WDR25: variants seen among roughly 807,000 people sequenced by gnomAD.
The protein encoded by WDR25 is WD repeat domain 25.
Under a neutral mutation model 47.7 loss-of-function variants are expected in WDR25, and 35 were observed. The observed-to-expected ratio is 0.73, with a 90% CI of 0.56 to 0.97. The LOEUF (loss-of-function observed/expected upper bound fraction) is 0.97. WDR25 is among the 50% of genes least tolerant of loss of function. The pLI is 0.00. For synonymous variants in WDR25, 248 were observed against 278.9 expected, an observed-to-expected ratio of 0.89 and a Z score of 1.10; for missense variants, 634 against 704.7, an observed-to-expected ratio of 0.90 and a Z score of 1.14.
chr14:100,389,023 A>G (rs1897080413), intron 2 of WDR25, among the ~76,000 whole-genome samples: 1 of 152,236 alleles, frequency 6.6e-6, no homozygotes, highest in African/African-American at 2.4e-5. Context: ...GAGACAGTCT[A>G]GTAAATTATT....
chr14:100,384,662 C>G (rs1896979822), intron 2 of WDR25, among the ~76,000 whole-genome samples: 1 of 152,146 alleles, frequency 6.6e-6, no homozygotes, highest in Non-Finnish European at 1.5e-5. Flanking sequence ...GGCAGGAGTC[C>G]TGGCTGGCTG....
chr14:100,472,756 C>T (rs1428632396), intron 3 of WDR25, among the ~76,000 whole-genome samples: 1 of 152,244 alleles, frequency 6.6e-6, no homozygotes, highest in Non-Finnish European at 1.5e-5. Flanking sequence ...TCCACATTCC[C>T]CTTCCTCCTG....
intron 2 of WDR25, among the ~76,000 whole-genome samples, chr14:100,385,897 C>A (rs1897008666): frequency 6.6e-6 from 1 of 152,148 alleles, no homozygotes; most frequent in Non-Finnish European, 1.5e-5. Flanking sequence ...ACCAAAAACA[C>A]AACCAGCCGT....
chr14:100,508,381 T>TCTCA (rs886921024), intron 4 of WDR25, among the ~76,000 whole-genome samples: 1 of 152,128 alleles, frequency 6.6e-6, no homozygotes, highest in African/African-American at 2.4e-5. Flanking sequence ...GGGTGCCTAC[T>TCTCA]CTCACCATTC....
At position 100,381,593 on chromosome 14, in the gene WDR25, A is replaced by G. The variant is rs3742387; in HGVS notation, c.669A>G (p.Pro223=). 0.74 allele frequency: 1,193,020 copies of G among 1,613,916 alleles called. 448,229 individuals are homozygous for G. The highest frequency in any genetic ancestry group is 0.87 in the South Asian group (79,274 of 91,072). ...CGGGAGTGTCTGAGTTTATTCAGCC[A>G]TATTTGAATAGCCATTATAAAGAAA... ...VGPGVSEFIQ[P]YLNSHYKETT... is the part of the protein sequence containing the mutation. The change falls in exon 2 of 7, where the codon CCA becomes CCG. Residue 223 remains proline, a synonymous_variant. Transcript: ENST00000402312.
At chr14:100,508,630 C>T (rs1327241351) in intron 4 of WDR25, among the ~76,000 whole-genome samples, 1 of 152,150 alleles carries the variant, frequency 6.6e-6, no homozygotes, top group Admixed American at 6.5e-5. Flanking sequence ...ATGACTAGAA[C>T]TTTCGGTACA....
intron 2 of WDR25, among the ~76,000 whole-genome samples, chr14:100,409,684 C>A (rs1897650627): frequency 2.0e-5 from 3 of 152,156 alleles, no homozygotes. Context: ...GAACAGGGAT[C>A]CCTTTAAATT....
In WDR25 at chr14:100,498,064, T is replaced by C. The variant is rs1165531655; in HGVS notation, c.1101+13940T>C. Among the ~76,000 whole-genome samples the C allele has an allele frequency of 2.6e-5, 4 of 152,234 alleles. No homozygotes were observed. Among genetic ancestry groups the C allele is most frequent in the Non-Finnish European group, 4.4e-5 (3 of 68,038 alleles). ...TAACTCTGCAAAGATTGTATGACTT[T>C]AGGAAAGTTTGTGCAATTCAATTTG... is the stretch of plus-strand genomic sequence containing the variant. On this transcript the variant is annotated intron_variant, in intron 4 of 6. Coordinates refer to ENST00000402312, the MANE Select transcript of WDR25 (RefSeq NM_001161476.3). This position sits in a 1 kb window ranked among gnomAD's most constrained non-coding sequence, Gnocchi z 4.2.
At chr14:100,472,645 C>T (rs1395470170) in intron 3 of WDR25, among the ~76,000 whole-genome samples, 2 of 152,246 alleles carry the variant, frequency 1.3e-5, no homozygotes, top group East Asian at 1.9e-4. Context: ...CCCTGCTGGT[C>T]CCCTCAGTGA....
rs1018853830 is a variant in WDR25, at chr14:100,500,217, A to G, written c.1101+16093A>G. Among the ~76,000 whole-genome samples the G allele has an allele frequency of 1.2e-4, 18 of 151,656 alleles. No homozygotes were observed. Among genetic ancestry groups the G allele is most frequent in the Non-Finnish European group, 4.4e-5 (3 of 67,932 alleles). On this transcript the variant is annotated intron_variant, in intron 4 of 6. Coordinates refer to ENST00000402312, the MANE Select transcript of WDR25 (RefSeq NM_001161476.3). This position sits in a 1 kb window ranked among gnomAD's most constrained non-coding sequence, Gnocchi z 4.7. ...TGTGTGCCCCTGGTGTGGACACTGG[A>G]GGGGCCCGAGAGTGGGGTGGCTTGC...
intron 3 of WDR25, among the ~76,000 whole-genome samples, chr14:100,472,509 G>A (rs1489998958): frequency 6.6e-6 from 1 of 152,252 alleles, no homozygotes; most frequent in African/African-American, 2.4e-5. Flanking sequence ...TAGGTCCTCA[G>A]CAAGGAACTC....
chr14:100,406,400 A>G (rs967869164), intron 2 of WDR25, among the ~76,000 whole-genome samples: 8 of 152,246 alleles, frequency 5.3e-5, no homozygotes, highest in African/African-American at 9.6e-5. Flanking sequence ...CTTCACACGG[A>G]CAGCCTCAGT....
Position 100,409,517 on chromosome 14 carries a change from A to G in WDR25, c.822+27771A>G, listed in dbSNP as rs142068945. Among the ~76,000 whole-genome samples, 128 of 147,724 alleles carry G rather than the reference A, an allele frequency of 8.7e-4. No individual in the cohort carries two copies. In the Middle Eastern group the frequency reaches 0.01, roughly 12 times the overall value. The stretch of plus-strand genomic sequence containing the variant: ...AGAGCACCTGGCACTTGAAAAGATG[A>G]AAAGTAAGAGCCCCATCATTGCTGT... On this transcript the variant is annotated intron_variant, in intron 2 of 6. Transcript: ENST00000402312.
At chr14:100,504,051 T>C (rs367936764) in intron 4 of WDR25, among the ~76,000 whole-genome samples, 7 of 152,258 alleles carry the variant, frequency 4.6e-5, no homozygotes, top group African/African-American at 1.2e-4. Flanking sequence ...ATTTTATCCA[T>C]AATCCTACCC....
intron 2 of WDR25, among the ~76,000 whole-genome samples, chr14:100,453,160 G>A (rs1474962242): frequency 6.6e-6 from 1 of 152,194 alleles, no homozygotes. Context: ...CCTAAAGGCT[G>A]GCAGTAGGAA....
intron 2 of WDR25, among the ~76,000 whole-genome samples, chr14:100,386,992 C>T: frequency 6.6e-6 from 1 of 151,998 alleles, no homozygotes; most frequent in East Asian, 1.9e-4. Context: ...GGCAAACCTT[C>T]AGTACCACTG....
At chr14:100,475,301 C>T (rs993973902) in intron 3 of WDR25, among the ~76,000 whole-genome samples, 1 of 152,178 alleles carries the variant, frequency 6.6e-6, no homozygotes, top group Non-Finnish European at 1.5e-5. Flanking sequence ...GAATTGAAAT[C>T]GGTGTGTGGA....
Position 100,424,431 on chromosome 14 carries a change from C to G in WDR25, c.822+42685C>G, listed in dbSNP as rs368697748. On this transcript the variant is annotated intron_variant, in intron 2 of 6. Coordinates refer to ENST00000402312, the MANE Select transcript of WDR25 (RefSeq NM_001161476.3). This position sits in a 1 kb window ranked among gnomAD's most constrained non-coding sequence, Gnocchi z 4.2. ...GTTTGCATGTTAAGAGTTAGCAGGA[C>G]AATCCTTTGCTACTGGGGACCCGCC... Among the ~76,000 whole-genome samples, 4 of 152,216 alleles carry G rather than the reference C, an allele frequency of 2.6e-5. No homozygotes were observed. Among genetic ancestry groups the G allele is most frequent in the East Asian group, 3.9e-4 (2 of 5,194 alleles).
chr14:100,467,152 C>T (rs150109889), intron 2 of WDR25, among the ~76,000 whole-genome samples: 195 of 152,350 alleles, frequency 1.3e-3, no homozygotes, highest in African/African-American at 4.3e-3. Context: ...GCTGCCCCTA[C>T]GGCAGATATT....
Sources: allele counts gnomAD v4.1 joint callset (sites outside exome capture counted in the v4.1 genomes callset), GRCh38; gene constraint gnomAD v4.1.1; non-coding constraint Gnocchi (gnomAD v3.1); transcripts MANE v1.5; gene names NCBI Gene and HGNC (gene_info 2026-07-23, HGNC 2026-07-21).